Variants in RBM19 observed in about 807,000 individuals in gnomAD.
RBM19 encodes RNA binding motif protein 19, also known as probable RNA-binding protein 19.
Under a neutral mutation model 116.8 loss-of-function variants are expected in RBM19, and 94 were observed. The observed-to-expected ratio is 0.80, with a 90% CI of 0.68 to 0.95. The LOEUF is 0.95. RBM19 is among the 40% of genes least tolerant of loss of function. The pLI, the probability that RBM19 is intolerant of heterozygous loss-of-function variation, is 0.00. For missense variants in RBM19, 1,161 were observed against 1,220.7 expected (o/e 0.95, Z 0.73); for synonymous variants, 475 against 494.1 (o/e 0.96, Z 0.51).
chr12:113,862,386 T>A (rs1878467646), intron 21 of RBM19, among the ~76,000 whole-genome samples: 1 of 152,034 alleles, frequency 6.6e-6, no homozygotes, highest in Non-Finnish European at 1.5e-5. Flanking sequence ...GTTGCTTGTA[T>A]AACGGTGTGG....
chr12:113,942,230 G>T, intron 14 of RBM19, 94 bp downstream of exon 14: 2 of 1,048,160 alleles, frequency 1.9e-6, no homozygotes, highest in Non-Finnish European at 2.8e-6. Flanking sequence ...TCCTTAGAAG[G>T]CCAGATCCTT....
At chr12:113,942,098 G>A (rs1870623755) in intron 14 of RBM19, among the ~76,000 whole-genome samples, 1 of 152,310 alleles carries the variant, frequency 6.6e-6, no homozygotes, top group East Asian at 1.9e-4. Flanking sequence ...GAACTGTGGG[G>A]TTGTAGGCAG....
At chr12:113,933,046 A>G (rs1869745581) in intron 16 of RBM19, among the ~76,000 whole-genome samples, 1 of 152,158 alleles carries the variant, frequency 6.6e-6, no homozygotes. Context: ...AGTTGCAAGC[A>G]GCTTTTCAGG....
intron 16 of RBM19, among the ~76,000 whole-genome samples, chr12:113,931,854 T>C: frequency 6.6e-6 from 1 of 152,272 alleles, no homozygotes; most frequent in East Asian, 1.9e-4. Context: ...CGCTGTTCCA[T>C]TCTTCTGCTT....
intron 21 of RBM19, among the ~76,000 whole-genome samples, chr12:113,880,463 G>A (rs1368894948): frequency 6.6e-6 from 1 of 152,214 alleles, no homozygotes. Flanking sequence ...AGGTACGACA[G>A]CTCTTGTTCT....
chr12:113,861,547 AGAGAGAAAGAGAGAAG>A (rs1239573675), intron 21 of RBM19, among the ~76,000 whole-genome samples: 9 of 145,014 alleles, frequency 6.2e-5, no homozygotes, highest in Non-Finnish European at 1.4e-4. Flanking sequence ...TGGTGGTGTG[AGAGAGAAAGAGAGAAG>A]GAGAGAAAGA....
Position 113,947,376 on chromosome 12 carries a change from G to A in RBM19, c.1365C>T (p.His455=), listed in dbSNP as rs757696133. The A allele has an allele frequency of 8.7e-6, 14 of 1,609,542 alleles. No homozygotes were observed. Among genetic ancestry groups the A allele is most frequent in the African/African-American group, 4.0e-5 (3 of 74,884 alleles). Residue 455 remains histidine (H), a synonymous_variant, in exon 11 of 24, where the codon CAC becomes CAT. Transcript: ENST00000261741. ...FAFITFMFPE[H]AVKAYSEVDG... is the part of the protein sequence containing the mutation. ...CCACCTCCGAGTAGGCCTTCACAGCGTGCTCAGGGAACATGAAGGTGATGA... is the reference window on the plus strand; with the variant it reads ...CCACCTCCGAGTAGGCCTTCACAGCATGCTCAGGGAACATGAAGGTGATGA...
In RBM19 at chr12:113,918,379, A is replaced by G. The variant is rs1882904172; in HGVS notation, c.2441+13T>C. The G allele has an allele frequency of 6.2e-7, 1 of 1,614,008 alleles. No homozygotes were observed. Among genetic ancestry groups the G allele is most frequent in the Admixed American group, 1.7e-5 (1 of 60,006 alleles). On this transcript the variant is annotated intron_variant, in intron 20 of 23. Coordinates refer to ENST00000261741, the MANE Select transcript of RBM19 (RefSeq NM_016196.4). ...AGCTCGTAGGAAAGGAAATGAGGAC[A>G]CTGAAGACTCACTTAGTGGCTCGTT...
chr12:113,900,857 C>G (rs994323841), intron 21 of RBM19, among the ~76,000 whole-genome samples: 3 of 152,324 alleles, frequency 2.0e-5, no homozygotes, highest in Admixed American at 1.3e-4. Context: ...AAGCCAGCTT[C>G]TCCAGTGAAG....
At chr12:113,911,130 C>T (rs569738918) in intron 21 of RBM19, among the ~76,000 whole-genome samples, 74 of 152,334 alleles carry the variant, frequency 4.9e-4, no homozygotes, top group Middle Eastern at 3.4e-3. Context: ...ACTCTGGGCA[C>T]CTGCCGGGTG....
intron 23 of RBM19, among the ~76,000 whole-genome samples, chr12:113,829,002 C>T (rs949601648): frequency 2.1e-5 from 3 of 145,046 alleles, no homozygotes; most frequent in East Asian, 2.0e-4. Flanking sequence ...TAGGGCTGTG[C>T]CTTTTTTTTT....
chr12:113,951,618 C>A, intron 8 of RBM19, among the ~76,000 whole-genome samples: 1 of 152,202 alleles, frequency 6.6e-6, no homozygotes, highest in East Asian at 1.9e-4. Flanking sequence ...CTGAGATCTG[C>A]ACTTAGGCAG....
chr12:113,889,653 AAAC>A (rs1880799572), intron 21 of RBM19, among the ~76,000 whole-genome samples: 2 of 106,266 alleles, frequency 1.9e-5, no homozygotes, highest in South Asian at 3.0e-4. Context: ...CATACTAAAA[AAAC>A]AAAAACAAAC....
Position 113,909,798 on chromosome 12 carries a change from G to A in RBM19, c.2558+5171C>T, listed in dbSNP as rs141871627. Among the ~76,000 whole-genome samples the A allele has an allele frequency of 1.5e-3, 234 of 152,236 alleles. 1 individual carries two copies. The highest frequency in any genetic ancestry group is 5.4e-3 in the African/African-American group (224 of 41,552). Reference sequence around the variant, plus strand: ...CCTAACCCCAAACAGTGTTCCTGACGTGGCAGACCACCAGAAGGAAACACA... The same window carrying A: ...CCTAACCCCAAACAGTGTTCCTGACATGGCAGACCACCAGAAGGAAACACA... On this transcript the variant is annotated intron_variant, in intron 21 of 23. Transcript: ENST00000261741.
chr12:113,843,747 A>T (rs1311803371), intron 23 of RBM19, among the ~76,000 whole-genome samples: 4 of 152,208 alleles, frequency 2.6e-5, no homozygotes, highest in Admixed American at 2.6e-4. Context: ...CCATGTGTCC[A>T]GGGTGGAGCG....
chr12:113,820,911 A>G (rs113248848), downstream of RBM19, among the ~76,000 whole-genome samples: 1,116 of 152,248 alleles, frequency 7.3e-3, 20 homozygotes, highest in African/African-American at 0.025. Flanking sequence ...CCAGCTCACC[A>G]GCTTTCTTTT....
chr12:113,833,995 C>T (rs1875664776), intron 23 of RBM19, among the ~76,000 whole-genome samples: 1 of 152,162 alleles, frequency 6.6e-6, no homozygotes, highest in African/African-American at 2.4e-5. Context: ...ATCCTCCTGC[C>T]TCGGCGTCTC....
intron 23 of RBM19, among the ~76,000 whole-genome samples, chr12:113,838,628 A>T (rs1394530886): frequency 1.3e-5 from 2 of 152,166 alleles, no homozygotes; most frequent in Non-Finnish European, 2.9e-5. Context: ...ATTCTGCAGG[A>T]CTCGTTCCCA....
intron 21 of RBM19, among the ~76,000 whole-genome samples, chr12:113,900,297 G>GA (rs1881606722): frequency 6.6e-6 from 1 of 152,336 alleles, no homozygotes; most frequent in South Asian, 2.1e-4. Context: ...CTGGCAGATG[G>GA]AAACAGCCTC....
Sources: allele counts gnomAD v4.1 joint callset (sites outside exome capture counted in the v4.1 genomes callset), GRCh38; gene constraint gnomAD v4.1.1; transcripts MANE v1.5; gene names NCBI Gene and HGNC (gene_info 2026-07-23, HGNC 2026-07-21).